Variants in EPS8L2 observed in about 807,000 individuals in gnomAD.
The protein encoded by EPS8L2 is epidermal growth factor receptor kinase substrate 8-like protein 2.
Under a neutral mutation model 99.4 loss-of-function variants are expected in EPS8L2, and 81 were observed. The observed-to-expected ratio is 0.82, with a 90% CI of 0.68 to 0.98. EPS8L2 has a LOEUF of 0.98. Among genes scored for constraint, EPS8L2 ranks in the 50% least tolerant of loss-of-function variants. The pLI is 0.00. For synonymous variants in EPS8L2, 509 were observed against 407.3 expected (o/e 1.25, Z -3.01); for missense variants, 1,155 against 968.8 (o/e 1.19, Z -2.55).
Position 724,862 on chromosome 11 carries a change from G to A in EPS8L2, c.1560+33G>A, listed in dbSNP as rs748351543. On this transcript the variant is annotated intron_variant, in intron 16 of 20. Transcript: ENST00000318562. This position sits in a 1 kb window ranked among gnomAD's most constrained non-coding sequence, Gnocchi z 5.5. ...GCTGGAGGACGGGGTCCAAGAGGGG[G>A]AAACAGGGCAGGGCTTCAAGGGAGG... is the stretch of plus-strand genomic sequence containing the variant. 5 of 1,514,950 alleles carry A rather than the reference G, an allele frequency of 3.3e-6. No homozygotes were observed. The South Asian group carries it at 3.4e-5, about 10-fold the overall frequency. The allele number at this position is 1,514,950 out of a possible 1,614,324, so 93.8% of individuals were successfully genotyped here.
Position 721,151 on chromosome 11 carries a change from G to A in EPS8L2, c.645G>A (p.Gly215=). ...CCATCCCCTTCCAGCACCGCGGCGGGGATTCCCCGGAGGCCAAGAATCGCG... is the reference window on the plus strand; with the variant it reads ...CCATCCCCTTCCAGCACCGCGGCGGAGATTCCCCGGAGGCCAAGAATCGCG... The part of the protein sequence containing the change: ...PAPIPFQHRG[G]DSPEAKNRVG... Residue 215 remains glycine (G), a synonymous_variant, in exon 8 of 21, where the codon GGG becomes GGA. Coordinates refer to ENST00000318562, the MANE Select transcript of EPS8L2 (RefSeq NM_022772.4). 1 of 1,536,534 alleles carries A rather than the reference G, an allele frequency of 6.5e-7. No homozygotes were observed. Among genetic ancestry groups the A allele is most frequent in the Non-Finnish European group, 8.7e-7 (1 of 1,143,834 alleles).
chr11:722,877 C>T (rs1862224073), intron 14 of EPS8L2, 72 bp downstream of exon 14: 1 of 1,035,434 alleles, frequency 9.7e-7, no homozygotes, highest in Admixed American at 2.6e-5. Flanking sequence ...CCCCCCCAGC[C>T]CTGACACCCA....
At chr11:725,976 G>A (rs1862305875) in intron 17 of EPS8L2, 122 bp from the exon 18 acceptor site, 5 of 1,336,274 alleles carry the variant, frequency 3.7e-6, no homozygotes, top group Non-Finnish European at 4.0e-6. Context: ...TCCCTGGGCA[G>A]AAGGAAAGGG....
intron 4 of EPS8L2, among the ~76,000 whole-genome samples, chr11:711,883 T>C (rs1861899374): frequency 6.6e-6 from 1 of 151,782 alleles, no homozygotes; most frequent in Admixed American, 6.6e-5. Context: ...CTCGGGAGGC[T>C]GAGGCAGGAG....
chr11:718,348 T>TAACA (rs376942606), intron 4 of EPS8L2, among the ~76,000 whole-genome samples: 1 of 151,508 alleles, frequency 6.6e-6, no homozygotes. Context: ...AAACAAAAAC[T>TAACA]AACAAACAAA....
At chr11:710,613 CT>C in intron 4 of EPS8L2, 127 bp downstream of exon 4, 1 of 954,700 alleles carries the variant, frequency 1.0e-6, no homozygotes, top group Non-Finnish European at 1.6e-6. Flanking sequence ...CCTGTAGGCC[CT>C]GCTACTGGGG....
intron 9 of EPS8L2, 42 bp from the exon 10 acceptor site, chr11:721,522 TG>T: frequency 1.3e-6 from 2 of 1,522,262 alleles, no homozygotes; most frequent in Non-Finnish European, 8.8e-7. Context: ...GGCGGGGCGG[TG>T]GGGAGTGTCA....
At chr11:726,238 G>GT in intron 18 of EPS8L2, 66 bp from the exon 19 acceptor site, 1 of 1,566,428 alleles carries the variant, frequency 6.4e-7, no homozygotes, top group South Asian at 1.2e-5. Context: ...GTGTGGGGGG[G>GT]GTCCCTGGGC....
chr11:709,236 CCAG>C (rs1304356684), intron 1 of EPS8L2, 91 bp from the exon 2 acceptor site: 1 of 788,564 alleles, frequency 1.3e-6, no homozygotes, highest in African/African-American at 1.7e-5. Context: ...GGACCCCCAC[CCAG>C]GCCAGGCCAG....
At chr11:716,140 T>C (rs1425150898) in intron 4 of EPS8L2, among the ~76,000 whole-genome samples, 2 of 149,954 alleles carry the variant, frequency 1.3e-5, no homozygotes, top group African/African-American at 4.9e-5. Flanking sequence ...GCCTGGCTAA[T>C]TTTTGTGTGG....
chr11:710,401 G>GACT lies in EPS8L2; in HGVS notation c.101-20_101-18dup, dbSNP rs760094235. 6 of 1,612,604 alleles carry GACT rather than the reference G, an allele frequency of 3.7e-6. No homozygotes were observed. In the African/African-American group the frequency reaches 8.0e-5, roughly 22 times the overall value. ...TGTGGGTCCTGCCCGTCGGGGGAGT[G>GACT]ACTGGTGTCTCCCGGTTCAGAGCAG... On this transcript the variant is annotated intron_variant, in intron 3 of 20. Coordinates refer to ENST00000318562, the MANE Select transcript of EPS8L2 (RefSeq NM_022772.4).
rs1003652380 is a variant in EPS8L2, at chr11:709,230, C to T, written c.-78-100C>T. 2.2e-5 allele frequency: 16 copies of T among 742,048 alleles called. No individual in the cohort carries two copies. In the South Asian group the frequency reaches 2.6e-4, roughly 12 times the overall value. 46.0% of individuals were successfully genotyped at this position (742,048 alleles called of 1,614,324 possible). A position where few individuals can be genotyped will look rare whatever the true frequency, so the allele number is the denominator to read the frequency against. On this transcript the variant is annotated intron_variant, in intron 1 of 20. Coordinates refer to ENST00000318562, the MANE Select transcript of EPS8L2 (RefSeq NM_022772.4). The stretch of plus-strand genomic sequence containing the variant: ...GCAGGGGCTCTGCCCCCCAAGGGAC[C>T]CCCACCCAGGCCAGGCCAGTCAGGG...
chr11:727,091 GTGCTGGCTAGAGGTCCC>G lies in EPS8L2; in HGVS notation c.*114_*130del. The G allele has an allele frequency of 1.2e-6, 1 of 805,394 alleles. No individual in the cohort carries two copies. Among genetic ancestry groups the G allele is most frequent in the Non-Finnish European group, 2.0e-6 (1 of 497,800 alleles). The allele number at this position is 805,394 out of a possible 1,614,324, so 49.9% of individuals were successfully genotyped here. A position where few individuals can be genotyped will look rare whatever the true frequency, so the allele number is the denominator to read the frequency against. ...GTATCAAGGACACGGAGGGGGTGTG[GTGCTGGCTAGAGGTCCC>G]TGCCCCTGTCTGGAGGCACAACGCC... is the stretch of plus-strand genomic sequence containing the variant. On this transcript the variant is annotated 3_prime_UTR_variant, in exon 21 of 21. Coordinates refer to ENST00000318562, the MANE Select transcript of EPS8L2 (RefSeq NM_022772.4).
rs1314658218 is a variant in EPS8L2, at chr11:725,858, G to A, written c.1680+11G>A. ...GCCCCGTTCGAGCAGGTGAGCCCGC[G>A]GGGGTCCCTGGGGTCGCAGCCCCCA... is the stretch of plus-strand genomic sequence containing the variant. On this transcript the variant is annotated intron_variant, in intron 17 of 20. Coordinates refer to ENST00000318562, the MANE Select transcript of EPS8L2 (RefSeq NM_022772.4). The A allele has an allele frequency of 2.3e-5, 31 of 1,356,506 alleles. No homozygotes were observed. Among genetic ancestry groups the A allele is most frequent in the Non-Finnish European group, 2.7e-5 (29 of 1,059,666 alleles). The allele number at this position is 1,356,506 out of a possible 1,614,324, so 84.0% of individuals were successfully genotyped here. A position where few individuals can be genotyped will look rare whatever the true frequency, so the allele number is the denominator to read the frequency against.
In EPS8L2 at chr11:724,943, G is replaced by T. The variant is rs934577911; in HGVS notation, c.1560+114G>T. ...GGCCAGGCTGGGTGATGCCAGGACG[G>T]GGCACAGCTGCTGGCCCCTTTCTCC... On this transcript the variant is annotated intron_variant, in intron 16 of 20. Transcript: ENST00000318562. The surrounding 1 kb of genome is among the most constrained non-coding windows in gnomAD (Gnocchi z 5.5). The T allele has an allele frequency of 2.5e-5, 19 of 751,164 alleles. No homozygotes were observed. The highest frequency in any genetic ancestry group is 2.4e-4 in the African/African-American group (14 of 58,164). The allele number at this position is 751,164 out of a possible 1,614,324, so 46.5% of individuals were successfully genotyped here. A position where few individuals can be genotyped will look rare whatever the true frequency, so the allele number is the denominator to read the frequency against.
In EPS8L2 at chr11:721,114, A is replaced by T; in HGVS notation, c.608A>T (p.Gln203Leu). Residue 203 changes from glutamine to leucine, a missense_variant, in exon 8 of 21, where the codon CAG (glutamine) becomes CTG (leucine). By Grantham distance (113) the Gln-to-Leu change is moderately radical (BLOSUM62 -2). Coordinates refer to ENST00000318562, the MANE Select transcript of EPS8L2 (RefSeq NM_022772.4). Reference sequence around the variant, plus strand: ...CGGCAGTCCATCCTGCCTCCTCCCCAGGGCCCGGCGCCCATCCCCTTCCAG... The same window carrying T: ...CGGCAGTCCATCCTGCCTCCTCCCCTGGGCCCGGCGCCCATCCCCTTCCAG... ...RQRQSILPPP[Q>L]GPAPIPFQHR... 6.5e-7 allele frequency: 1 copy of T among 1,533,318 alleles called. No homozygotes were observed. Among genetic ancestry groups the T allele is most frequent in the Non-Finnish European group, 8.8e-7 (1 of 1,142,394 alleles). 95.0% of individuals were successfully genotyped at this position (1,533,318 alleles called of 1,614,324 possible). A position where few individuals can be genotyped will look rare whatever the true frequency, so the allele number is the denominator to read the frequency against.
At chr11:712,116 T>G (rs1016843443) in intron 4 of EPS8L2, among the ~76,000 whole-genome samples, 1 of 152,010 alleles carries the variant, frequency 6.6e-6, no homozygotes, top group Non-Finnish European at 1.5e-5. Flanking sequence ...TGAAACCCCA[T>G]CTCTACTAAA....
rs1016789775 is a variant in EPS8L2 at position 724,588 on chromosome 11, T to C, written c.1455-136T>C. 78 of 641,840 alleles carry C rather than the reference T, an allele frequency of 1.2e-4. No individual in the cohort carries two copies. Among genetic ancestry groups the C allele is most frequent in the Admixed American group, 1.0e-4 (4 of 40,166 alleles). The allele number at this position is 641,840 out of a possible 1,614,324, so 39.8% of individuals were successfully genotyped here. On this transcript the variant is annotated intron_variant, in intron 15 of 20. Transcript: ENST00000318562. The surrounding 1 kb of genome is among the most constrained non-coding windows in gnomAD (Gnocchi z 5.5). ...TTCCGGGCTGACGCTGCCTGCAGCC[T>C]CTCTCCACGGTGACCTCCAGAACAG...
chr11:720,065 C>G lies in EPS8L2; in HGVS notation c.169C>G (p.Leu57Val), dbSNP rs1377267201. The stretch of plus-strand genomic sequence containing the variant: ...GTGACCACCTGCCCACCCCCAGCAC[C>G]TGGCCACATTCATCATGGACAAGAG... ...HETSQYHVQH[L>V]ATFIMDKSEA... Residue 57 changes from leucine to valine, a missense_variant, in exon 5 of 21, where the codon CTG becomes GTG. Physicochemically the swap from Leu to Val is conservative, Grantham distance 32. Transcript: ENST00000318562. 1 of 1,611,900 alleles carries G rather than the reference C, an allele frequency of 6.2e-7. No homozygotes were observed. Among genetic ancestry groups the G allele is most frequent in the Non-Finnish European group, 8.5e-7 (1 of 1,179,268 alleles).
Sources: allele counts gnomAD v4.1 joint callset (sites outside exome capture counted in the v4.1 genomes callset), GRCh38; gene constraint gnomAD v4.1.1; non-coding constraint Gnocchi (gnomAD v3.1); transcripts MANE v1.5; gene names NCBI Gene and HGNC (gene_info 2026-07-23, HGNC 2026-07-21).